The following ABCB11 variants were observed in gnomAD, a reference collection of about 807,000 sequenced individuals.
ABCB11 encodes the protein ATP binding cassette subfamily B member 11.
A neutral mutation model predicts 148.0 loss-of-function variants in ABCB11; 95 were observed. The observed-to-expected ratio is 0.64, with a 90% CI of 0.54 to 0.76. The LOEUF is 0.76. Ranked by LOEUF, ABCB11 falls within the 30% of genes least tolerant of loss-of-function variation. ABCB11 has a pLI of 0.00. For missense variants in ABCB11, 1,523 were observed against 1,617.8 expected (o/e 0.94, Z 1.01); for synonymous variants, 591 against 555.4 (o/e 1.06, Z -0.90).
intron 11 of ABCB11, among the ~76,000 whole-genome samples, chr2:168,978,352 T>A (rs543993536): frequency 2.0e-5 from 3 of 151,824 alleles, no homozygotes; most frequent in Non-Finnish European, 4.4e-5. Context: ...CCCAGGCTTG[T>A]CTCAAACTCC....
At chr2:168,938,588 T>C (rs1026865157) in intron 21 of ABCB11, among the ~76,000 whole-genome samples, 1 of 152,104 alleles carries the variant, frequency 6.6e-6, no homozygotes, top group Admixed American at 6.6e-5. Flanking sequence ...AAAACATTTC[T>C]AGAGATGAAT....
intron 19 of ABCB11, among the ~76,000 whole-genome samples, chr2:168,956,815 G>A (rs1225344762): frequency 6.6e-6 from 1 of 151,568 alleles, no homozygotes; most frequent in Admixed American, 6.6e-5. Context: ...TCATGTCAGG[G>A]AAAAGGCCCT....
chr2:168,984,788 C>T (rs1694258207), intron 10 of ABCB11, among the ~76,000 whole-genome samples: 1 of 152,016 alleles, frequency 6.6e-6, no homozygotes, highest in Admixed American at 6.6e-5. Flanking sequence ...CATCCCTTTA[C>T]TATAAAATAT....
At chr2:168,963,010 T>C (rs1280055127) in intron 18 of ABCB11, among the ~76,000 whole-genome samples, 1 of 151,802 alleles carries the variant, frequency 6.6e-6, no homozygotes, top group Non-Finnish European at 1.5e-5. Flanking sequence ...GTCATTTTCA[T>C]ACGGTCATAA....
At position 168,964,370 on chromosome 2, in the gene ABCB11, G is replaced by A. The variant is rs565407139; in HGVS notation, c.2076-62C>T. ...TGGCCAGATTGGAGCAGGATCAACTGGTGTCCAAGTTTACATTTCATATGT... is the reference window on the plus strand; with the variant it reads ...TGGCCAGATTGGAGCAGGATCAACTAGTGTCCAAGTTTACATTTCATATGT... On this transcript the variant is annotated intron_variant, in intron 17 of 27. Transcript: ENST00000650372. 4.1e-5 allele frequency: 53 copies of A among 1,290,506 alleles called. 1 individual carries two copies. In the Admixed American group the frequency reaches 5.7e-4, roughly 14 times the overall value. 79.9% of individuals were successfully genotyped at this position (1,290,506 alleles called of 1,614,324 possible).
At position 168,921,168 on chromosome 2, in the gene ABCB11, G is replaced by T. The variant is rs745516917; in HGVS notation, c.*2454C>A. On this transcript the variant is annotated 3_prime_UTR_variant, in exon 28 of 28. Transcript: ENST00000650372. Reference sequence around the variant, plus strand: ...CATTGCCATTTTTCATAACCAGAATGCATTCCTTCACCGTCTGCCTCCTGA... The same window carrying T: ...CATTGCCATTTTTCATAACCAGAATTCATTCCTTCACCGTCTGCCTCCTGA... 3.3e-5 allele frequency among the ~76,000 whole-genome samples: 5 copies of T among 152,186 alleles called. No homozygotes were observed. Among genetic ancestry groups the T allele is most frequent in the Admixed American group, 6.5e-5 (1 of 15,280 alleles).
In ABCB11 at chr2:168,922,914, A is replaced by T. The variant is rs375854199; in HGVS notation, c.*708T>A. On this transcript the variant is annotated 3_prime_UTR_variant, in exon 28 of 28. Coordinates refer to ENST00000650372, the MANE Select transcript of ABCB11 (RefSeq NM_003742.4). ...GGGAGAGAGTCCCTGCTCCAGCCAC[A>T]CTGGTAGGTCCTCACAGTAATGGTA... 6.6e-6 allele frequency: 1 copy of T among 152,396 alleles called. No individual in the cohort carries two copies. The highest frequency in any genetic ancestry group is 1.9e-4 in the East Asian group (1 of 5,176). 9.4% of individuals were successfully genotyped at this position (152,396 alleles called of 1,614,324 possible).
chr2:168,954,785 G>C (rs1293721274), intron 19 of ABCB11, among the ~76,000 whole-genome samples: 1 of 151,614 alleles, frequency 6.6e-6, no homozygotes, highest in Non-Finnish European at 1.5e-5. Flanking sequence ...AGACTTGGGA[G>C]GTTGTTATTG....
intron 9 of ABCB11, among the ~76,000 whole-genome samples, chr2:168,987,076 T>C (rs1240987361): frequency 6.6e-6 from 1 of 152,164 alleles, no homozygotes; most frequent in Non-Finnish European, 1.5e-5. Context: ...GGAAGAAATA[T>C]GCTACTGAAA....
chr2:169,022,873 ATAAT>A lies in ABCB11; in HGVS notation c.-27-4725_-27-4722del, dbSNP rs568919890. The stretch of plus-strand genomic sequence containing the variant: ...ATGCAATGATTATTTAAGGTAAAAA[ATAAT>A]TAATCATTTTCATAAATGCAAAAAG... On this transcript the variant is annotated intron_variant, in intron 1 of 27. Coordinates refer to ENST00000650372, the MANE Select transcript of ABCB11 (RefSeq NM_003742.4). Among the ~76,000 whole-genome samples the A allele has an allele frequency of 8.1e-3, 1,236 of 152,280 alleles. 19 individuals carry two copies. The highest frequency in any genetic ancestry group is 0.029 in the African/African-American group (1,187 of 41,568).
chr2:169,013,461 A>T lies in ABCB11; in HGVS notation c.200T>A (p.Leu67Ter), dbSNP rs749175257. 1 of 1,613,802 alleles carries T rather than the reference A, an allele frequency of 6.2e-7. No individual in the cohort carries two copies. The highest frequency in any genetic ancestry group is 8.5e-7 in the Non-Finnish European group (1 of 1,179,774). Reference protein sequence around the residue: ...TDIWLMFVGSLCAFLHGIAQP... With the variant: ...TDIWLMFVGS ...GGCTATTCCATGGAGAAATGCACAC[A>T]AACTTCCCACAAACATCAGCCAAAT... Residue 67 changes from leucine (L) to a stop codon, truncating the protein, a stop_gained, in exon 5 of 28, where the codon TTG becomes TAG. Coordinates refer to ENST00000650372, the MANE Select transcript of ABCB11 (RefSeq NM_003742.4). LOFTEE classifies it high-confidence loss of function.
At chr2:168,969,959 C>CCCCCCCCAAGGGCAGCCCTT in intron 15 of ABCB11, 86 bp downstream of exon 15, 1 of 959,198 alleles carries the variant, frequency 1.0e-6, no homozygotes, top group Non-Finnish European at 1.6e-6. Context: ...ACTCCCATCC[C>CCCCCCCCAAGGGCAGCCCTT]TCCCACCCCA....
At chr2:168,927,053 A>G in intron 26 of ABCB11, 103 bp downstream of exon 26, 1 of 1,169,634 alleles carries the variant, frequency 8.5e-7, no homozygotes, top group Non-Finnish European at 1.2e-6. Flanking sequence ...AACATTTTGG[A>G]TTTGGGATTT....
At chr2:169,026,307 C>CT (rs1318167418) in intron 1 of ABCB11, among the ~76,000 whole-genome samples, 1 of 152,144 alleles carries the variant, frequency 6.6e-6, no homozygotes, top group Non-Finnish European at 1.5e-5. Context: ...GTCCACTGTT[C>CT]TTTTTTGACA....
intron 27 of ABCB11, among the ~76,000 whole-genome samples, chr2:168,924,138 G>T (rs746061245): frequency 3.9e-5 from 6 of 152,130 alleles, no homozygotes; most frequent in Non-Finnish European, 8.8e-5. Context: ...GCAGTTAAGT[G>T]GCCATTCCTG....
chr2:168,968,513 T>A, intron 16 of ABCB11, 23 bp from the exon 17 acceptor site: 1 of 1,597,460 alleles, frequency 6.3e-7, no homozygotes, highest in Non-Finnish European at 8.6e-7. Flanking sequence ...GCATGAGCAA[T>A]TTTTTAGTAT....
At position 169,013,319 on chromosome 2, in the gene ABCB11, C is replaced by T. The variant is rs1394733194; in HGVS notation, c.342G>A (p.Trp114Ter). 1 of 1,613,708 alleles carries T rather than the reference C, an allele frequency of 6.2e-7. No homozygotes were observed. Among genetic ancestry groups the T allele is most frequent in the East Asian group, 2.2e-5 (1 of 44,864 alleles). ...GKACVNNTIV[W>*]TNSSLNQNMT... ...TGTTCTGGTTGAGGGAACTGTTAGT[C>T]CATACAATGGTGTTATTCACACATG... The change falls in exon 5 of 28, where the codon TGG becomes TGA. Residue 114 changes from tryptophan (W) to a stop codon, truncating the protein, a stop_gained. Coordinates refer to ENST00000650372, the MANE Select transcript of ABCB11 (RefSeq NM_003742.4). LOFTEE classifies it high-confidence loss of function.
At chr2:168,965,015 C>T (rs745480861) in intron 17 of ABCB11, among the ~76,000 whole-genome samples, 4 of 151,764 alleles carry the variant, frequency 2.6e-5, no homozygotes, top group Non-Finnish European at 5.9e-5. Context: ...GCCTGTACCA[C>T]ACCCTAAGGT....
chr2:168,990,985 G>A (rs1694500041), intron 8 of ABCB11, 60 bp from the exon 9 acceptor site: 1 of 1,565,594 alleles, frequency 6.4e-7, no homozygotes, highest in Admixed American at 1.7e-5. Flanking sequence ...AAGTCAGTCT[G>A]TCATTCAGAT....
Sources: allele counts gnomAD v4.1 joint callset (sites outside exome capture counted in the v4.1 genomes callset), GRCh38; gene constraint gnomAD v4.1.1; transcripts MANE v1.5; gene names NCBI Gene and HGNC (gene_info 2026-07-23, HGNC 2026-07-21).